PHLPP1: variants seen among roughly 807,000 people sequenced by gnomAD.
PHLPP1 encodes PH domain and leucine rich repeat protein phosphatase 1, also known as PH domain leucine-rich repeat-containing protein phosphatase 1.
In PHLPP1, 42 loss-of-function variants were observed where a neutral mutation model predicts 117.2. The ratio of observed to expected loss-of-function variants is 0.36; its 90% confidence interval spans 0.28 to 0.46. PHLPP1 has a LOEUF of 0.46. PHLPP1 is among the 20% of genes least tolerant of loss of function. The probability of loss-of-function intolerance (pLI) is 1.00; values close to 1 mark genes in which losing one functional copy is unlikely to be tolerated. For missense variants in PHLPP1, 2,084 were observed against 2,241.9 expected (o/e 0.93, Z 1.42); for synonymous variants, 1,042 against 970.7 (o/e 1.07, Z -1.37).
chr18:62,716,533 G>A lies in PHLPP1; in HGVS notation c.850G>A (p.Ala284Thr), dbSNP rs1330071222. The A allele has an allele frequency of 1.2e-5, 14 of 1,181,082 alleles. No homozygotes were observed. The East Asian group carries it at 3.4e-4, about 28-fold the overall frequency. The allele number at this position is 1,181,082 out of a possible 1,614,324, so 73.2% of individuals were successfully genotyped here. Residue 284 changes from alanine (A) to threonine (T), a missense_variant, in exon 1 of 17, where the codon GCG becomes ACG. Physicochemically the swap from Ala to Thr is moderately conservative, Grantham distance 58. Coordinates refer to ENST00000262719, the MANE Select transcript of PHLPP1 (RefSeq NM_194449.4). The surrounding 1 kb of genome is among the most constrained non-coding windows in gnomAD (Gnocchi z 5.7). ...GCCGCGGGACTCGGAGGTACCGCCC[G>A]CGAGGAGCGCGCCGGGTGCCTTCGG... ...PEPRDSEVPP[A>T]RSAPGAFGGP...
Position 62,978,619 on chromosome 18 carries a change from T to G in PHLPP1, c.4342T>G (p.Phe1448Val). The G allele has an allele frequency of 6.2e-7, 1 of 1,613,846 alleles. No homozygotes were observed. Among genetic ancestry groups the G allele is most frequent in the East Asian group, 2.2e-5 (1 of 44,874 alleles). ...GAVPPPSPGI[F>V]PPSVNMVIKD... The stretch of plus-strand genomic sequence containing the variant: ...TGTGCCACCACCCAGTCCTGGCATC[T>G]TTCCTCCCTCAGTGAACATGGTGAT... Residue 1448 changes from phenylalanine (F) to valine (V), a missense_variant, in exon 17 of 17, where the codon TTT becomes GTT. Coordinates refer to ENST00000262719, the MANE Select transcript of PHLPP1 (RefSeq NM_194449.4). This position sits in a 1 kb window ranked among gnomAD's most constrained non-coding sequence, Gnocchi z 7.0.
At position 62,863,049 on chromosome 18, in the gene PHLPP1, C is replaced by CT. The variant is rs11318520; in HGVS notation, c.2066+2464dup. Among the ~76,000 whole-genome samples, 232 of 141,898 alleles carry CT rather than the reference C, an allele frequency of 1.6e-3. 4 individuals carry two copies. The highest frequency in any genetic ancestry group is 0.011 in the Admixed American group (153 of 14,142). 93.1% of individuals were successfully genotyped at this position (141,898 alleles called of 152,430 possible). ...CTATGAAAGTTATCACTGTGGTATT[C>CT]TTTTTTTTTTTTTTTTAATTGAAAG... On this transcript the variant is annotated intron_variant, in intron 4 of 16. Coordinates refer to ENST00000262719, the MANE Select transcript of PHLPP1 (RefSeq NM_194449.4).
At chr18:62,963,865 A>G (rs1028337257) in intron 14 of PHLPP1, among the ~76,000 whole-genome samples, 5 of 152,200 alleles carry the variant, frequency 3.3e-5, no homozygotes, top group African/African-American at 1.2e-4. Flanking sequence ...TTAATTGTGC[A>G]TATTTAAGAT....
intron 4 of PHLPP1, among the ~76,000 whole-genome samples, chr18:62,865,921 A>G (rs1016806653): frequency 1.2e-4 from 19 of 152,298 alleles, no homozygotes; most frequent in African/African-American, 4.6e-4. Flanking sequence ...TAGGAAAAAT[A>G]ACTAACAGAT....
chr18:62,979,417 G>A lies in PHLPP1; in HGVS notation c.5140G>A (p.Asp1714Asn), dbSNP rs1440495117. ...YQLDQLPDYY[D>N]TPL Reference sequence around the variant, plus strand: ...GCTGGACCAGCTGCCAGATTATTACGACACGCCACTATGACCCAGCCGAGC... The same window carrying A: ...GCTGGACCAGCTGCCAGATTATTACAACACGCCACTATGACCCAGCCGAGC... Residue 1714 changes from aspartate (D) to asparagine (N), a missense_variant, in exon 17 of 17, where the codon GAC (aspartate) becomes AAC (asparagine). By Grantham distance (23) the Asp-to-Asn change is conservative. Coordinates refer to ENST00000262719, the MANE Select transcript of PHLPP1 (RefSeq NM_194449.4). The A allele has an allele frequency of 4.4e-5, 68 of 1,551,136 alleles. No individual in the cohort carries two copies. The highest frequency in any genetic ancestry group is 5.5e-5 in the Non-Finnish European group (63 of 1,146,832).
At chr18:62,963,925 G>T (rs1283520384) in intron 14 of PHLPP1, among the ~76,000 whole-genome samples, 1 of 152,092 alleles carries the variant, frequency 6.6e-6, no homozygotes, top group East Asian at 1.9e-4. Flanking sequence ...AATTAGCTTG[G>T]CAGCAGTTTG....
At position 62,958,748 on chromosome 18, in the gene PHLPP1, G is replaced by A. The variant is rs776510412; in HGVS notation, c.3444G>A (p.Leu1148=). ...GCCTTGTCCTTGATCACAAAACCCT[G>A]GAACTACTGAAGTAAGTATTCTGTA... ...NPRLVLDHKT[L]ELLNNIRCFK... The change falls in exon 13 of 17, where the codon CTG becomes CTA. Residue 1148 remains leucine, a synonymous_variant. Transcript: ENST00000262719. 3 of 1,613,922 alleles carry A rather than the reference G, an allele frequency of 1.9e-6. No homozygotes were observed. Among genetic ancestry groups the A allele is most frequent in the Non-Finnish European group, 1.7e-6 (2 of 1,179,852 alleles).
intron 1 of PHLPP1, among the ~76,000 whole-genome samples, chr18:62,781,114 A>G (rs1015591631): frequency 6.6e-6 from 1 of 152,240 alleles, no homozygotes; most frequent in African/African-American, 2.4e-5. Context: ...TGGGAAAACT[A>G]TGTAACTCTT....
chr18:62,796,948 T>C (rs1326552411), intron 1 of PHLPP1, among the ~76,000 whole-genome samples: 5 of 152,252 alleles, frequency 3.3e-5, no homozygotes, highest in Non-Finnish European at 7.3e-5. Context: ...TTCTATTTCT[T>C]TGGCAATTCA....
At chr18:62,960,406 A>G (rs1568175056) in intron 13 of PHLPP1, among the ~76,000 whole-genome samples, 1 of 152,222 alleles carries the variant, frequency 6.6e-6, no homozygotes, top group Non-Finnish European at 1.5e-5. Flanking sequence ...TTACACGTAA[A>G]TATACTTTTT....
chr18:62,875,112 T>C (rs1599096705), intron 4 of PHLPP1, among the ~76,000 whole-genome samples: 2 of 151,944 alleles, frequency 1.3e-5, no homozygotes, highest in East Asian at 3.9e-4. Context: ...GTGCCACCAC[T>C]CCTGGCTAAT....
In PHLPP1 at chr18:62,979,013, A is replaced by G; in HGVS notation, c.4736A>G (p.Lys1579Arg). The G allele has an allele frequency of 6.2e-7, 1 of 1,613,214 alleles. No homozygotes were observed. Among genetic ancestry groups the G allele is most frequent in the East Asian group, 2.2e-5 (1 of 44,848 alleles). ...IHCSRAKEKEKQQHLLQVPAE... is the reference protein window; with the variant it reads ...IHCSRAKEKERQQHLLQVPAE... ...TGCAGCCGGGCCAAGGAGAAGGAGA[A>G]ACAGCAGCACCTGCTTCAGGTGCCA... The change falls in exon 17 of 17, where the codon AAA (lysine) becomes AGA (arginine). Residue 1579 changes from lysine to arginine, a missense_variant. By Grantham distance (26) the Lys-to-Arg change is conservative. Transcript: ENST00000262719.
At chr18:62,894,439 C>T (rs1916503306) in intron 4 of PHLPP1, among the ~76,000 whole-genome samples, 1 of 152,166 alleles carries the variant, frequency 6.6e-6, no homozygotes, top group East Asian at 1.9e-4. Flanking sequence ...TCAAGTGATC[C>T]ACTCATCTCG....
At chr18:62,828,587 C>A (rs1243239530) in intron 1 of PHLPP1, among the ~76,000 whole-genome samples, 1 of 152,128 alleles carries the variant, frequency 6.6e-6, no homozygotes, top group Non-Finnish European at 1.5e-5. Context: ...AAATTCGAAC[C>A]TGTGGCTTAT....
chr18:62,747,842 G>T (rs1911723900), intron 1 of PHLPP1, among the ~76,000 whole-genome samples: 1 of 151,998 alleles, frequency 6.6e-6, no homozygotes, highest in African/African-American at 2.4e-5. Flanking sequence ...TTTATTTCAT[G>T]AATTGTTTTA....
At chr18:62,771,565 A>G (rs1912779023) in intron 1 of PHLPP1, among the ~76,000 whole-genome samples, 3 of 152,162 alleles carry the variant, frequency 2.0e-5, no homozygotes, top group Admixed American at 2.0e-4. Context: ...CCGTACACTG[A>G]TGATGTTGTG....
intron 1 of PHLPP1, among the ~76,000 whole-genome samples, chr18:62,734,920 C>G (rs1450428136): frequency 6.6e-6 from 1 of 152,136 alleles, no homozygotes; most frequent in Non-Finnish European, 1.5e-5. Flanking sequence ...GAAGCAGAAG[C>G]TCAATGATCC....
At chr18:62,803,328 CA>C (rs1029969707) in intron 1 of PHLPP1, among the ~76,000 whole-genome samples, 3 of 152,118 alleles carry the variant, frequency 2.0e-5, no homozygotes, top group African/African-American at 7.2e-5. Flanking sequence ...CTACTGAGCT[CA>C]AAATACTGTC....
chr18:62,751,261 G>A (rs1911845548), intron 1 of PHLPP1, among the ~76,000 whole-genome samples: 1 of 152,184 alleles, frequency 6.6e-6, no homozygotes, highest in South Asian at 2.1e-4. Flanking sequence ...CATATAGAAT[G>A]TTTGTGGGAG....
Sources: allele counts gnomAD v4.1 joint callset (sites outside exome capture counted in the v4.1 genomes callset), GRCh38; gene constraint gnomAD v4.1.1; non-coding constraint Gnocchi (gnomAD v3.1); transcripts MANE v1.5; gene names NCBI Gene and HGNC (gene_info 2026-07-23, HGNC 2026-07-21).